CHST11: variants seen among roughly 807,000 people sequenced by gnomAD.
CHST11 encodes carbohydrate sulfotransferase 11.
In CHST11, 9 loss-of-function variants were observed where a neutral mutation model predicts 30.4. The observed-to-expected ratio is 0.30, with a 90% confidence interval of 0.18 to 0.52. CHST11 has a LOEUF of 0.52. Among genes scored for constraint, CHST11 ranks in the 20% least tolerant of loss-of-function variants. The pLI, the probability that CHST11 is intolerant of heterozygous loss-of-function variation, is 0.97. For missense variants in CHST11, 348 were observed against 460.6 expected, an observed-to-expected ratio of 0.76 and a Z score of 2.24; for synonymous variants, 152 against 187.8, an observed-to-expected ratio of 0.81 and a Z score of 1.56.
intron 2 of CHST11, among the ~76,000 whole-genome samples, chr12:104,712,293 G>A (rs2040094390): frequency 6.6e-6 from 1 of 152,084 alleles, no homozygotes; most frequent in African/African-American, 2.4e-5. Flanking sequence ...CTCAAGTTTG[G>A]AGTGTGCCTT....
chr12:104,701,575 C>T (rs1486036863), intron 2 of CHST11, among the ~76,000 whole-genome samples: 1 of 152,084 alleles, frequency 6.6e-6, no homozygotes, highest in African/African-American at 2.4e-5. Flanking sequence ...CAAGCAGAGG[C>T]TAAAGACACA....
intron 1 of CHST11, among the ~76,000 whole-genome samples, chr12:104,528,794 C>T (rs938421674): frequency 2.0e-5 from 3 of 152,270 alleles, no homozygotes; most frequent in Admixed American, 1.3e-4. Context: ...ATGACCTGGC[C>T]ATTTTCGATC....
At chr12:104,532,672 C>T (rs918593034) in intron 1 of CHST11, among the ~76,000 whole-genome samples, 42 of 152,126 alleles carry the variant, frequency 2.8e-4, no homozygotes, top group Non-Finnish European at 1.2e-4. Flanking sequence ...CATTCAGGGC[C>T]TGCCTACTTT....
At chr12:104,513,994 G>A (rs1272305037) in intron 1 of CHST11, 8 of 712,296 alleles carry the variant, frequency 1.1e-5, no homozygotes, top group Non-Finnish European at 1.8e-5. Flanking sequence ...GGGCTTAGCA[G>A]GGGCTGCAGG....
At chr12:104,574,116 A>G (rs2038658262) in intron 1 of CHST11, among the ~76,000 whole-genome samples, 2 of 152,252 alleles carry the variant, frequency 1.3e-5, no homozygotes, top group South Asian at 4.1e-4. Context: ...AAAAATGCTC[A>G]TCATCACTGG....
chr12:104,572,524 G>A (rs1165148399), intron 1 of CHST11, among the ~76,000 whole-genome samples: 2 of 152,216 alleles, frequency 1.3e-5, no homozygotes, highest in East Asian at 3.8e-4. Flanking sequence ...AGTATTCTCT[G>A]ATGATAGTGT....
At chr12:104,517,688 T>C (rs2038037593) in intron 1 of CHST11, among the ~76,000 whole-genome samples, 1 of 152,124 alleles carries the variant, frequency 6.6e-6, no homozygotes, top group African/African-American at 2.4e-5. Flanking sequence ...CTGTACCAAA[T>C]TCTTAGAAGA....
At chr12:104,579,956 A>G (rs2038723796) in intron 1 of CHST11, among the ~76,000 whole-genome samples, 1 of 152,230 alleles carries the variant, frequency 6.6e-6, no homozygotes, top group African/African-American at 2.4e-5. Context: ...TTGGTCATCA[A>G]GGAGCACACA....
intron 1 of CHST11, among the ~76,000 whole-genome samples, chr12:104,588,083 AAC>A (rs1308491022): frequency 6.6e-6 from 1 of 151,482 alleles, no homozygotes; most frequent in Non-Finnish European, 1.5e-5. Context: ...TTATTTTAAA[AAC>A]AGTTTTATTG....
At chr12:104,556,666 G>GT (rs1344681277) in intron 1 of CHST11, among the ~76,000 whole-genome samples, 1 of 152,120 alleles carries the variant, frequency 6.6e-6, no homozygotes, top group African/African-American at 2.4e-5. Context: ...TTCCTTCCAT[G>GT]TGTGTCTCTG....
intron 2 of CHST11, among the ~76,000 whole-genome samples, chr12:104,623,665 G>A (rs1035802642): frequency 6.6e-5 from 10 of 151,826 alleles, no homozygotes; most frequent in African/African-American, 9.7e-5. Flanking sequence ...AGCCGAGATC[G>A]CGCCACTGTC....
At chr12:104,732,878 T>C (rs2136133646) in intron 2 of CHST11, among the ~76,000 whole-genome samples, 1 of 152,402 alleles carries the variant, frequency 6.6e-6, no homozygotes, top group Middle Eastern at 3.4e-3. Flanking sequence ...ATTGGAAGCT[T>C]TCTTTCTGGA....
chr12:104,521,494 G>A lies in CHST11; in HGVS notation c.118+63965G>A, dbSNP rs117274696. ...TTTTACGTCTTTATTTTATAAACTC[G>A]GGCCCAAAGTGAAATGACTTGCCCA... On this transcript the variant is annotated intron_variant, in intron 1 of 2. Coordinates refer to ENST00000303694, the MANE Select transcript of CHST11 (RefSeq NM_018413.6). Among the ~76,000 whole-genome samples the A allele has an allele frequency of 7.8e-3, 1,192 of 152,214 alleles. 14 individuals carry two copies. Among genetic ancestry groups the A allele is most frequent in the Middle Eastern group, 0.037 (11 of 294 alleles).
intron 1 of CHST11, among the ~76,000 whole-genome samples, chr12:104,540,591 T>C (rs894642189): frequency 4.6e-5 from 7 of 152,202 alleles, no homozygotes; most frequent in Non-Finnish European, 8.8e-5. Context: ...TCTCCTGTAC[T>C]CCTCCACCCT....
At chr12:104,543,566 C>T (rs2038305537) in intron 1 of CHST11, among the ~76,000 whole-genome samples, 1 of 152,162 alleles carries the variant, frequency 6.6e-6, no homozygotes. Flanking sequence ...CCATCCTTCT[C>T]GTCCCTGGAC....
At chr12:104,691,395 T>C (rs1398062520) in intron 2 of CHST11, among the ~76,000 whole-genome samples, 1 of 151,796 alleles carries the variant, frequency 6.6e-6, no homozygotes, top group Non-Finnish European at 1.5e-5. Flanking sequence ...CCCCAAAGCA[T>C]GCTACCCACA....
At chr12:104,515,388 A>C (rs2135984386) in intron 1 of CHST11, among the ~76,000 whole-genome samples, 1 of 151,656 alleles carries the variant, frequency 6.6e-6, no homozygotes, top group South Asian at 2.1e-4. Context: ...GTTATTGTTC[A>C]TCTTGTAGCA....
rs139267295 is a variant in CHST11 at position 104,484,880 on chromosome 12, A to T, written c.118+27351A>T. 2.2e-3 allele frequency among the ~76,000 whole-genome samples: 335 copies of T among 152,200 alleles called. 2 individuals carry two copies. The highest frequency in any genetic ancestry group is 7.6e-3 in the African/African-American group (314 of 41,516). ...AAGCTAAGACATGAAGGATGTGGGGATTGTTGGAAAAGAGTGGGAAGGGAG... is the reference window on the plus strand; with the variant it reads ...AAGCTAAGACATGAAGGATGTGGGGTTTGTTGGAAAAGAGTGGGAAGGGAG... On this transcript the variant is annotated intron_variant, in intron 1 of 2. Coordinates refer to ENST00000303694, the MANE Select transcript of CHST11 (RefSeq NM_018413.6).
chr12:104,478,754 C>T (rs1303671017), intron 1 of CHST11, among the ~76,000 whole-genome samples: 1 of 152,048 alleles, frequency 6.6e-6, no homozygotes, highest in African/African-American at 2.4e-5. Context: ...GGGATTTAGC[C>T]TTTTGGGAAA....
Sources: allele counts gnomAD v4.1 joint callset (sites outside exome capture counted in the v4.1 genomes callset), GRCh38; gene constraint gnomAD v4.1.1; transcripts MANE v1.5; gene names NCBI Gene and HGNC (gene_info 2026-07-23, HGNC 2026-07-21).